Variants in LHX9 observed in about 807,000 individuals in gnomAD.
The protein encoded by LHX9 is LIM homeobox 9, also known as LIM/homeobox protein Lhx9.
In LHX9, 9 loss-of-function variants were observed where a neutral mutation model predicts 36.5. The ratio of observed to expected loss-of-function variants is 0.25; its 90% CI spans 0.15 to 0.43. LHX9 has a LOEUF of 0.43. Ranked by LOEUF, LHX9 falls within the 20% of genes least tolerant of loss-of-function variation. The pLI, the probability that LHX9 is intolerant of heterozygous loss-of-function variation, is 1.00. For synonymous variants in LHX9, 211 were observed against 212.1 expected, an observed-to-expected ratio of 0.99 and a Z score of 0.04; for missense variants, 464 against 526.4, an observed-to-expected ratio of 0.88 and a Z score of 1.16.
In LHX9 at chr1:197,921,156, C is replaced by G; in HGVS notation, c.378-148C>G. The G allele has an allele frequency of 1.7e-6, 1 of 579,518 alleles. No individual in the cohort carries two copies. Among genetic ancestry groups the G allele is most frequent in the East Asian group, 2.8e-5 (1 of 35,108 alleles). The allele number at this position is 579,518 out of a possible 1,614,324, so 35.9% of individuals were successfully genotyped here. ...TGGTTTATCAGAAAAGGTCGATGAG[C>G]AAATAAAATTAATGCCTACTCTCCT... On this transcript the variant is annotated intron_variant, in intron 2 of 4. Coordinates refer to ENST00000367387, the MANE Select transcript of LHX9 (RefSeq NM_020204.3). This position sits in a 1 kb window ranked among gnomAD's most constrained non-coding sequence, Gnocchi z 4.6.
upstream of LHX9, among the ~76,000 whole-genome samples, chr1:197,914,508 C>T (rs1225131045): frequency 1.3e-5 from 2 of 152,046 alleles, no homozygotes; most frequent in African/African-American, 4.8e-5. Context: ...TATTTAAAGT[C>T]CTTTGAGAAT....
Position 197,917,635 on chromosome 1 carries a change from A to C in LHX9, c.-189A>C, listed in dbSNP as rs143233310. ...AGGGAGCCGCTGAGGCTTCCCCCCA[A>C]CTCTTCCCAGTTCTTTTTGCTTCCC... On this transcript the variant is annotated 5_prime_UTR_variant, in exon 1 of 5. Coordinates refer to ENST00000367387, the MANE Select transcript of LHX9 (RefSeq NM_020204.3). The C allele has an allele frequency of 3.8e-5, 57 of 1,508,092 alleles. No homozygotes were observed. Among genetic ancestry groups the C allele is most frequent in the Admixed American group, 1.2e-4 (5 of 40,082 alleles). 93.4% of individuals were successfully genotyped at this position (1,508,092 alleles called of 1,614,324 possible).
At position 197,929,135 on chromosome 1, in the gene LHX9, G is replaced by C. The variant is rs964938807; in HGVS notation, c.1070G>C (p.Gly357Ala). The C allele has an allele frequency of 1.9e-6, 3 of 1,613,534 alleles. No individual in the cohort carries two copies. Among genetic ancestry groups the C allele is most frequent in the Non-Finnish European group, 2.5e-6 (3 of 1,179,866 alleles). The change falls in exon 5 of 5, where the codon GGC becomes GCC. Residue 357 changes from glycine (G) to alanine (A), a missense_variant. Physicochemically the swap from Gly to Ala is moderately conservative, Grantham distance 60. Coordinates refer to ENST00000367387, the MANE Select transcript of LHX9 (RefSeq NM_020204.3). The stretch of plus-strand genomic sequence containing the variant: ...GACAGCGGAGCTCTCACTCCACCCG[G>C]CACTGCGACCACTTTAACAGACCTG... Reference protein sequence around the residue: ...SADSGALTPPGTATTLTDLTN... With the variant: ...SADSGALTPPATATTLTDLTN...
Position 197,921,385 on chromosome 1 carries a change from C to CT in LHX9, c.460dup (p.Tyr154LeufsTer94). Reference sequence around the variant, plus strand: ...TGGTCATGCGCGCCCGAGACTCTGTCTACCACCTGAGCTGCTTCACCTGCT... The same window carrying CT: ...TGGTCATGCGCGCCCGAGACTCTGTCTTACCACCTGAGCTGCTTCACCTGCT... On this transcript the variant is annotated frameshift_variant, in exon 3 of 5. Transcript: ENST00000367387. LOFTEE classifies it high-confidence loss of function. The surrounding 1 kb of genome is among the most constrained non-coding windows in gnomAD (Gnocchi z 4.6). The CT allele has an allele frequency of 6.2e-7, 1 of 1,614,228 alleles. No individual in the cohort carries two copies. Among genetic ancestry groups the CT allele is most frequent in the Non-Finnish European group, 8.5e-7 (1 of 1,180,050 alleles).
rs1660390605 is a variant in LHX9, at chr1:197,933,882, A to G, written c.*4623A>G. On this transcript the variant is annotated 3_prime_UTR_variant, in exon 5 of 5. Coordinates refer to ENST00000367387, the MANE Select transcript of LHX9 (RefSeq NM_020204.3). Reference sequence around the variant, plus strand: ...AGTCTTTGAGTCTGGGCAACTGCACATTTACTGTTTGGTGTGGAATAGAAA... The same window carrying G: ...AGTCTTTGAGTCTGGGCAACTGCACGTTTACTGTTTGGTGTGGAATAGAAA... 1 of 152,144 alleles carries G rather than the reference A, an allele frequency of 6.6e-6. No homozygotes were observed. 9.4% of individuals were successfully genotyped at this position (152,144 alleles called of 1,614,324 possible). A position where few individuals can be genotyped will look rare whatever the true frequency, so the allele number is the denominator to read the frequency against.
At position 197,927,813 on chromosome 1, in the gene LHX9, G is replaced by T; in HGVS notation, c.936+20G>T. ...TTGCAGGTAAGACACATGCATCATT[G>T]ACTGTGCATACATTTCCCTTCCCCT... On this transcript the variant is annotated intron_variant, in intron 4 of 4. Transcript: ENST00000367387. 1 of 1,600,110 alleles carries T rather than the reference G, an allele frequency of 6.2e-7. No homozygotes were observed. Among genetic ancestry groups the T allele is most frequent in the South Asian group, 1.1e-5 (1 of 90,760 alleles).
chr1:197,917,244 G>A (rs1659790479), upstream of LHX9: 1 of 1,213,792 alleles, frequency 8.2e-7, no homozygotes, highest in Admixed American at 3.8e-5. Context: ...GTTGAGAGGA[G>A]TATGACAGGT....
At chr1:197,917,056 C>A (rs983607727), upstream of LHX9, among the ~76,000 whole-genome samples, 2 of 152,050 alleles carry the variant, frequency 1.3e-5, no homozygotes, top group Non-Finnish European at 2.9e-5. Flanking sequence ...TCCTTTTCCC[C>A]TTTAAAACAT....
upstream of LHX9, among the ~76,000 whole-genome samples, chr1:197,914,426 G>A (rs1312690046): frequency 6.6e-6 from 1 of 150,876 alleles, no homozygotes; most frequent in Non-Finnish European, 1.5e-5. Context: ...CCCAGCCACC[G>A]GGCCTCAGCC....
chr1:197,915,848 CTTCT>C (rs1052427649), upstream of LHX9: 1 of 152,294 alleles, frequency 6.6e-6, no homozygotes, highest in Non-Finnish European at 1.5e-5. Flanking sequence ...CATCCTCTCA[CTTCT>C]TTTTTTCTTT....
intron 4 of LHX9, among the ~76,000 whole-genome samples, chr1:197,928,469 A>G (rs943525717): frequency 2.6e-5 from 4 of 152,194 alleles, no homozygotes; most frequent in Non-Finnish European, 5.9e-5. Flanking sequence ...AAATTCTGCT[A>G]AACAGTTTCA....
rs1660391621 is a variant in LHX9, at chr1:197,933,926, G to C, written c.*4667G>C. ...ATAGAAAAATGTGGACCTCTTAGTT[G>C]AGAGCAGGACACTAAATTTTCATAG... is the stretch of plus-strand genomic sequence containing the variant. On this transcript the variant is annotated 3_prime_UTR_variant, in exon 5 of 5. Coordinates refer to ENST00000367387, the MANE Select transcript of LHX9 (RefSeq NM_020204.3). 1 of 152,130 alleles carries C rather than the reference G, an allele frequency of 6.6e-6. No homozygotes were observed. Among genetic ancestry groups the C allele is most frequent in the Non-Finnish European group, 1.5e-5 (1 of 68,004 alleles). 9.4% of individuals were successfully genotyped at this position (152,130 alleles called of 1,614,324 possible). A position where few individuals can be genotyped will look rare whatever the true frequency, so the allele number is the denominator to read the frequency against.
intron 3 of LHX9, among the ~76,000 whole-genome samples, chr1:197,923,859 T>C (rs1024547531): frequency 6.6e-6 from 1 of 152,126 alleles, no homozygotes; most frequent in Admixed American, 6.5e-5. Flanking sequence ...GTGGAGAAGG[T>C]CGCTTTTGTC....
At chr1:197,922,672 G>T (rs970792116) in intron 3 of LHX9, among the ~76,000 whole-genome samples, 2 of 152,302 alleles carry the variant, frequency 1.3e-5, no homozygotes, top group East Asian at 1.9e-4. Context: ...GACCTTAACT[G>T]CTTTGGCTTT....
At chr1:197,925,240 C>T (rs555808286) in intron 3 of LHX9, among the ~76,000 whole-genome samples, 24 of 152,222 alleles carry the variant, frequency 1.6e-4, no homozygotes, top group Admixed American at 3.3e-4. Context: ...ATATAGAATG[C>T]GTTTTAAGGG....
chr1:197,921,550 C>A lies in LHX9; in HGVS notation c.624C>A (p.Ser208Arg). The A allele has an allele frequency of 6.2e-7, 1 of 1,613,600 alleles. No individual in the cohort carries two copies. Among genetic ancestry groups the A allele is most frequent in the Non-Finnish European group, 8.5e-7 (1 of 1,179,998 alleles). The change falls in exon 3 of 5, where the codon AGC (serine) becomes AGA (arginine). Residue 208 changes from serine to arginine, a missense_variant. Ser to Arg is a moderately radical substitution (Grantham distance 110). This residue lies in a region of LHX9 where 130 missense variants were observed against 109.6 expected (regional missense o/e 1.19). Transcript: ENST00000367387. The surrounding 1 kb of genome is among the most constrained non-coding windows in gnomAD (Gnocchi z 4.6). The stretch of plus-strand genomic sequence containing the variant: ...GCTACACGGAGCTGGCGGCCAAGAG[C>A]GGCGGCCTGGCCCTGCCTTACTTCA... ...QLSYTELAAKSGGLALPYFNG... is the reference protein window; with the variant it reads ...QLSYTELAAKRGGLALPYFNG...
At chr1:197,913,901 C>G (rs1156428674), upstream of LHX9, among the ~76,000 whole-genome samples, 1 of 152,232 alleles carries the variant, frequency 6.6e-6, no homozygotes, top group Non-Finnish European at 1.5e-5. Context: ...TGTTGGGTTA[C>G]TTCTTCCCTC....
chr1:197,923,807 C>G (rs1268083911), intron 3 of LHX9, among the ~76,000 whole-genome samples: 1 of 152,114 alleles, frequency 6.6e-6, no homozygotes, highest in African/African-American at 2.4e-5. Flanking sequence ...TTCTGAGCCA[C>G]TTAGGTCTTT....
intron 3 of LHX9, among the ~76,000 whole-genome samples, chr1:197,923,048 G>T (rs1660036422): frequency 6.6e-6 from 1 of 152,224 alleles, no homozygotes; most frequent in Non-Finnish European, 1.5e-5. Flanking sequence ...CCTCCGTTGG[G>T]CTCTCTCCTG....
Sources: gnomAD v4.1 joint callset for allele counts (sites outside exome capture counted in the v4.1 genomes callset) on GRCh38, gnomAD v4.1.1 for gene constraint, gnomAD v4.1.1 regional missense constraint, Gnocchi (gnomAD v3.1) non-coding constraint, MANE v1.5 for transcripts, NCBI Gene and HGNC (gene_info 2026-07-23, HGNC 2026-07-21) for gene names.